GRID1: variants seen among roughly 807,000 people sequenced by gnomAD.
The protein encoded by GRID1 is glutamate receptor ionotropic, delta-1.
GRID1 carries 28 observed loss-of-function variants against 98.0 expected under a neutral mutation model. The observed-to-expected ratio is 0.29, with a 90% CI of 0.21 to 0.39. GRID1 has a LOEUF of 0.39. Ranked by LOEUF, GRID1 falls within the 10% of genes least tolerant of loss-of-function variation. GRID1 has a pLI of 1.00. For synonymous variants in GRID1, 553 were observed against 538.5 expected (o/e 1.03, Z -0.37); for missense variants, 1,111 against 1,340.5 (o/e 0.83, Z 2.67).
rs868562923 is a variant in GRID1 at position 85,776,946 on chromosome 10, A to C, written c.1234-47332T>G. Among the ~76,000 whole-genome samples the C allele has an allele frequency of 3.7e-4, 56 of 152,364 alleles. No homozygotes were observed. The Middle Eastern group carries it at 0.01, about 28-fold the overall frequency. ...ACCACAGTGAGAGGCTAGCAAAGAA[A>C]TGCATTTGCTACCTATAGCTACAAC... On this transcript the variant is annotated intron_variant, in intron 8 of 15. Coordinates refer to ENST00000327946, the MANE Select transcript of GRID1 (RefSeq NM_017551.3).
intron 5 of GRID1, among the ~76,000 whole-genome samples, chr10:85,902,939 G>A (rs959296683): frequency 3.9e-5 from 6 of 152,086 alleles, no homozygotes; most frequent in African/African-American, 1.2e-4. Context: ...GGCTGCTCCT[G>A]GTCAGCATCC....
chr10:85,769,485 G>A (rs1169868483), intron 8 of GRID1, among the ~76,000 whole-genome samples: 3 of 152,168 alleles, frequency 2.0e-5, no homozygotes, highest in Non-Finnish European at 4.4e-5. Flanking sequence ...AGGACAGTGG[G>A]TGCAGCACAC....
chr10:86,241,450 C>A (rs918028346), intron 2 of GRID1, among the ~76,000 whole-genome samples: 30 of 152,242 alleles, frequency 2.0e-4, no homozygotes, highest in Admixed American at 1.3e-4. Context: ...TGGGCAATGC[C>A]CCTGCCAAAC....
chr10:86,059,631 T>C (rs369687220), intron 4 of GRID1, among the ~76,000 whole-genome samples: 9 of 152,240 alleles, frequency 5.9e-5, no homozygotes, highest in African/African-American at 2.2e-4. Context: ...AAAGTACCAT[T>C]TGGGGAAAAA....
At position 85,724,455 on chromosome 10, in the gene GRID1, C is replaced by G. The variant is rs1841738936; in HGVS notation, c.1755G>C (p.Arg585Ser). 1.9e-6 allele frequency: 3 copies of G among 1,614,146 alleles called. No homozygotes were observed. Among genetic ancestry groups the G allele is most frequent in the Non-Finnish European group, 8.5e-7 (1 of 1,180,026 alleles). Residue 585 changes from arginine (R) to serine (S), a missense_variant, in exon 11 of 16, where the codon AGG becomes AGC. Around this residue, in one of 3 missense-constraint regions of GRID1, gnomAD observed 762 missense variants for 869.1 expected, o/e 0.88. Transcript: ENST00000327946. Reference sequence around the variant, plus strand: ...CACTCTGAGCCCTCACAGCCTGTATCCTGTTCAACACAAATATCAGCACAC... The same window carrying G: ...CACTCTGAGCCCTCACAGCCTGTATGCTGTTCAACACAAATATCAGCACAC... Reference protein sequence around the residue: ...VVGVLIFVLNRIQAVRAQSAA... With the variant: ...VVGVLIFVLNSIQAVRAQSAA...
intron 4 of GRID1, among the ~76,000 whole-genome samples, chr10:85,942,119 A>G (rs1211205941): frequency 6.6e-6 from 1 of 152,174 alleles, no homozygotes; most frequent in Non-Finnish European, 1.5e-5. Flanking sequence ...ACCCAAGCCA[A>G]ACACACTGGG....
intron 4 of GRID1, among the ~76,000 whole-genome samples, chr10:86,047,998 T>C (rs950496810): frequency 1.1e-4 from 17 of 152,152 alleles, no homozygotes; most frequent in Admixed American, 6.5e-4. Context: ...GGCAATGCGG[T>C]GACTGCATTC....
intron 4 of GRID1, among the ~76,000 whole-genome samples, chr10:85,974,955 G>C (rs898677316): frequency 6.6e-6 from 1 of 152,176 alleles, no homozygotes; most frequent in African/African-American, 2.4e-5. Context: ...TTTGATCAGT[G>C]AATCAATAAC....
intron 3 of GRID1, among the ~76,000 whole-genome samples, chr10:86,182,278 C>A (rs1385594464): frequency 6.6e-6 from 1 of 152,216 alleles, no homozygotes; most frequent in Non-Finnish European, 1.5e-5. Context: ...TCTCTCCCGG[C>A]CCCAAGCAGG....
At chr10:85,767,870 G>A (rs1257212066) in intron 8 of GRID1, among the ~76,000 whole-genome samples, 1 of 152,176 alleles carries the variant, frequency 6.6e-6, no homozygotes, top group Non-Finnish European at 1.5e-5. Context: ...CTCACAAAAG[G>A]CTATGGCTGG....
intron 8 of GRID1, among the ~76,000 whole-genome samples, chr10:85,851,515 T>C (rs1441944068): frequency 6.6e-6 from 1 of 152,166 alleles, no homozygotes; most frequent in Non-Finnish European, 1.5e-5. Flanking sequence ...TAATCTACAG[T>C]CTCTTGATGC....
intron 5 of GRID1, among the ~76,000 whole-genome samples, chr10:85,893,366 T>C (rs115740486): frequency 0.012 from 1,857 of 152,292 alleles, 38 homozygotes; most frequent in African/African-American, 0.041. Context: ...AACATTGTGC[T>C]GGAGGTTCTA....
chr10:85,742,559 C>A (rs1841954801), intron 8 of GRID1, among the ~76,000 whole-genome samples: 1 of 152,172 alleles, frequency 6.6e-6, no homozygotes, highest in African/African-American at 2.4e-5. Flanking sequence ...TTTCAGGAAA[C>A]CCCATTTTAT....
intron 8 of GRID1, among the ~76,000 whole-genome samples, chr10:85,763,143 T>C (rs899238966): frequency 2.0e-5 from 3 of 152,136 alleles, no homozygotes; most frequent in African/African-American, 7.2e-5. Flanking sequence ...AGAGTCTTGG[T>C]CTTTTTGCCA....
chr10:86,078,099 C>T (rs576678270), intron 4 of GRID1, among the ~76,000 whole-genome samples: 3 of 152,352 alleles, frequency 2.0e-5, no homozygotes, highest in African/African-American at 4.8e-5. Flanking sequence ...TCATGCCTCC[C>T]TTGGCAGGCC....
chr10:86,008,136 T>C (rs1164856902), intron 4 of GRID1, among the ~76,000 whole-genome samples: 1 of 152,162 alleles, frequency 6.6e-6, no homozygotes, highest in Non-Finnish European at 1.5e-5. Flanking sequence ...GATCCTGCTA[T>C]GTAACAGAGC....
intron 8 of GRID1, among the ~76,000 whole-genome samples, chr10:85,737,173 A>G (rs12254605): frequency 1.5e-3 from 236 of 152,290 alleles, no homozygotes; most frequent in African/African-American, 5.1e-3. Context: ...TGCACAAGGA[A>G]TTGAGCCTTT....
chr10:85,856,678 C>T (rs989548117), intron 6 of GRID1, among the ~76,000 whole-genome samples: 1 of 152,184 alleles, frequency 6.6e-6, no homozygotes, highest in Non-Finnish European at 1.5e-5. Context: ...GTCTCTTTTG[C>T]AACTGCTCAA....
rs745540913 is a variant in GRID1 at position 85,854,557 on chromosome 10, T to C, written c.1172A>G (p.Tyr391Cys). ...MEFREDSSNPYVQFEILGTTY... is the reference protein window; with the variant it reads ...MEFREDSSNPCVQFEILGTTY... The stretch of plus-strand genomic sequence containing the variant: ...AGTGCCAAGGATTTCAAACTGGACA[T>C]AGGGATTCGAACTGTCCTCCCGAAA... The change falls in exon 8 of 16, where the codon TAT becomes TGT. Residue 391 changes from tyrosine to cysteine, a missense_variant. Around this residue, in one of 3 missense-constraint regions of GRID1, gnomAD observed 762 missense variants for 869.1 expected, o/e 0.88. Transcript: ENST00000327946. 3 of 1,613,048 alleles carry C rather than the reference T, an allele frequency of 1.9e-6. No homozygotes were observed. The highest frequency in any genetic ancestry group is 1.7e-5 in the Admixed American group (1 of 60,006).
Sources: allele counts gnomAD v4.1 joint callset (sites outside exome capture counted in the v4.1 genomes callset), GRCh38; gene constraint gnomAD v4.1.1; regional missense constraint gnomAD v4.1.1; transcripts MANE v1.5; gene names NCBI Gene and HGNC (gene_info 2026-07-23, HGNC 2026-07-21).